Variants in DNAH14 observed in about 807,000 individuals in gnomAD.
The protein encoded by DNAH14 is axonemal beta dynein heavy chain 14.
DNAH14 carries 478 observed loss-of-function variants against 520.9 expected under a neutral mutation model. The observed-to-expected ratio is 0.92, with a 90% CI of 0.85 to 0.99. The LOEUF (loss-of-function observed/expected upper bound fraction) is 0.99. DNAH14 is among the 50% of genes least tolerant of loss of function. DNAH14 has a pLI of 0.00. For synonymous variants in DNAH14, 1,581 were observed against 1,757.2 expected (o/e 0.90, Z 2.51); for missense variants, 4,831 against 5,234.5 (o/e 0.92, Z 2.38).
chr1:225,176,670 A>C (rs2083377465), intron 36 of DNAH14, among the ~76,000 whole-genome samples: 1 of 151,332 alleles, frequency 6.6e-6, no homozygotes, highest in Non-Finnish European at 1.5e-5. Flanking sequence ...GATAGTTAGT[A>C]AGTCTCATGG....
intron 41 of DNAH14, among the ~76,000 whole-genome samples, chr1:225,212,399 A>G (rs1322200843): frequency 3.3e-5 from 5 of 152,156 alleles, no homozygotes; most frequent in Admixed American, 6.5e-5. Flanking sequence ...AACATGATTT[A>G]TAATCCTTTG....
intron 34 of DNAH14, 134 bp from the exon 35 acceptor site, chr1:225,159,180 C>A: frequency 1.5e-6 from 1 of 683,330 alleles, no homozygotes; most frequent in South Asian, 1.9e-5. Context: ...AACCATATGG[C>A]TGCTATCCAG....
chr1:225,130,814 G>T, intron 27 of DNAH14, among the ~76,000 whole-genome samples: 1 of 135,506 alleles, frequency 7.4e-6, no homozygotes, highest in East Asian at 2.1e-4. Context: ...AAAACTTAAA[G>T]TATAATAATA....
At position 225,079,247 on chromosome 1, in the gene DNAH14, C is replaced by T. The variant is rs956176047; in HGVS notation, c.2465C>T (p.Thr822Ile). The T allele has an allele frequency of 1.3e-6, 2 of 1,548,172 alleles. No individual in the cohort carries two copies. Among genetic ancestry groups the T allele is most frequent in the Non-Finnish European group, 1.7e-6 (2 of 1,146,376 alleles). ...SSLQQLECDP[T>I]EIEEFLEHFI... ...TTGCAGCAGCTGGAATGTGATCCCA[C>T]TGAAATAGAAGAATTTCTGGAGCAT... Residue 822 changes from threonine to isoleucine, a missense_variant, in exon 18 of 86, where the codon ACT becomes ATT. By Grantham distance (89) the Thr-to-Ile change is moderately conservative (BLOSUM62 -1). Transcript: ENST00000682510.
At chr1:225,196,897 GT>G (rs1352504849) in intron 38 of DNAH14, among the ~76,000 whole-genome samples, 9 of 151,730 alleles carry the variant, frequency 5.9e-5, no homozygotes, top group African/African-American at 2.2e-4. Flanking sequence ...GTATTGTTTA[GT>G]TTTTTTCTTG....
chr1:225,243,423 G>A (rs1405733549), intron 43 of DNAH14, among the ~76,000 whole-genome samples: 1 of 151,758 alleles, frequency 6.6e-6, no homozygotes, highest in Non-Finnish European at 1.5e-5. Context: ...TACATTGCAA[G>A]AAAAAATTGT....
chr1:225,220,644 A>C (rs1200425623), intron 41 of DNAH14, among the ~76,000 whole-genome samples: 2 of 152,218 alleles, frequency 1.3e-5, no homozygotes, highest in East Asian at 3.8e-4. Context: ...TGCTCAAGGA[A>C]ATAAGAGAGG....
chr1:224,948,966 T>A (rs891271678), intron 1 of DNAH14, among the ~76,000 whole-genome samples: 1 of 152,184 alleles, frequency 6.6e-6, no homozygotes, highest in Non-Finnish European at 1.5e-5. Flanking sequence ...CACATATTAC[T>A]TTTTTTGCTC....
At chr1:225,127,082 A>G (rs2077800017) in intron 27 of DNAH14, among the ~76,000 whole-genome samples, 1 of 151,778 alleles carries the variant, frequency 6.6e-6, no homozygotes, top group South Asian at 2.1e-4. Context: ...ACAGTTTGTT[A>G]TAATTTCTGT....
chr1:225,023,251 A>C (rs2065850417), intron 10 of DNAH14, among the ~76,000 whole-genome samples: 1 of 152,158 alleles, frequency 6.6e-6, no homozygotes, highest in Non-Finnish European at 1.5e-5. Context: ...ATAAAAGTAG[A>C]AGAAAAAACA....
chr1:224,967,971 A>T (rs964813053), intron 6 of DNAH14: 2 of 1,090,496 alleles, frequency 1.8e-6, no homozygotes, highest in Non-Finnish European at 2.2e-6. Flanking sequence ...CCCCTTTTAC[A>T]CTCTTATATA....
At chr1:225,227,529 C>G (rs955258936) in intron 41 of DNAH14, among the ~76,000 whole-genome samples, 1 of 152,172 alleles carries the variant, frequency 6.6e-6, no homozygotes, top group Admixed American at 6.5e-5. Context: ...AATGAAGTTT[C>G]TTATGCCTGT....
chr1:225,024,671 A>G (rs2065958065), intron 11 of DNAH14: 1 of 152,160 alleles, frequency 6.6e-6, no homozygotes, highest in South Asian at 2.1e-4. Context: ...AGCTAACATC[A>G]CTTACCTAAG....
chr1:224,953,637 A>G (rs752576532), intron 2 of DNAH14, among the ~76,000 whole-genome samples: 13 of 152,204 alleles, frequency 8.5e-5, no homozygotes, highest in African/African-American at 2.2e-4. Flanking sequence ...ACAGACAATT[A>G]TATTCATTTT....
intron 36 of DNAH14, among the ~76,000 whole-genome samples, chr1:225,175,874 T>G (rs1457310104): frequency 1.3e-5 from 2 of 151,992 alleles, no homozygotes; most frequent in African/African-American, 4.8e-5. Flanking sequence ...TTCTCCTGCC[T>G]CAGCCTCCTG....
intron 15 of DNAH14, among the ~76,000 whole-genome samples, chr1:225,048,661 T>C (rs559993983): frequency 6.6e-6 from 1 of 152,350 alleles, no homozygotes; most frequent in South Asian, 2.1e-4. Flanking sequence ...ATAAAATTGC[T>C]ATACACATTC....
In DNAH14 at chr1:225,080,574, G is replaced by A; in HGVS notation, c.2962G>A (p.Glu988Lys). Residue 988 changes from glutamate to lysine, a missense_variant, in exon 19 of 86, where the codon GAG (glutamate) becomes AAG (lysine). Transcript: ENST00000682510. ...VEEITQIVLS[E>K]ISDIEGDLTL... ...AGAAATTACACAGATTGTGCTTTCA[G>A]AGATCTCTGACATTGAAGGTGACTT... 3 of 1,552,054 alleles carry A rather than the reference G, an allele frequency of 1.9e-6. No individual in the cohort carries two copies. The highest frequency in any genetic ancestry group is 2.6e-6 in the Non-Finnish European group (3 of 1,147,054).
chr1:225,002,671 A>T (rs1406766061), intron 8 of DNAH14, 112 bp from the exon 9 acceptor site: 1 of 990,612 alleles, frequency 1.0e-6, no homozygotes, highest in Admixed American at 2.7e-5. Context: ...AATGGGGTAG[A>T]TGTAAAACAT....
intron 71 of DNAH14, among the ~76,000 whole-genome samples, chr1:225,349,970 T>G (rs73136916): frequency 0.01 from 1,578 of 152,276 alleles, 28 homozygotes; most frequent in African/African-American, 0.036. Flanking sequence ...TACACAGAAC[T>G]GTCTTCCCAA....
Sources: gnomAD v4.1 joint callset for allele counts (sites outside exome capture counted in the v4.1 genomes callset) on GRCh38, gnomAD v4.1.1 for gene constraint, MANE v1.5 for transcripts, NCBI Gene and HGNC (gene_info 2026-07-23, HGNC 2026-07-21) for gene names.